Variants in ERC2 observed in about 807,000 individuals in gnomAD.
ERC2 encodes ELKS/RAB6-interacting/CAST family member 2, also known as ERC protein 2.
A neutral mutation model predicts 114.8 loss-of-function variants in ERC2; 42 were observed. The observed-to-expected ratio is 0.37, with a 90% CI of 0.29 to 0.47. The LOEUF is 0.47. Ranked by LOEUF, ERC2 falls within the 20% of genes least tolerant of loss-of-function variation. The probability of loss-of-function intolerance (pLI) is 0.99; values close to 1 mark genes in which losing one functional copy is unlikely to be tolerated. For missense variants in ERC2, 939 were observed against 1,150.7 expected, an observed-to-expected ratio of 0.82 and a Z score of 2.66; for synonymous variants, 454 against 425.5, an observed-to-expected ratio of 1.07 and a Z score of -0.82.
intron 14 of ERC2, among the ~76,000 whole-genome samples, chr3:55,854,085 G>A (rs1244548359): frequency 6.6e-6 from 1 of 152,128 alleles, no homozygotes; most frequent in African/African-American, 2.4e-5. Context: ...AACCAGTCTG[G>A]CCAATATGGT....
At chr3:55,856,524 A>G (rs1445277177) in intron 14 of ERC2, among the ~76,000 whole-genome samples, 1 of 152,114 alleles carries the variant, frequency 6.6e-6, no homozygotes, top group Admixed American at 6.6e-5. Context: ...ACATATATAT[A>G]CACACACATA....
At chr3:55,927,736 C>T (rs957328594) in intron 13 of ERC2, among the ~76,000 whole-genome samples, 2 of 152,150 alleles carry the variant, frequency 1.3e-5, no homozygotes, top group African/African-American at 4.8e-5. Flanking sequence ...ACCATCCCCA[C>T]TCCCCGACTC....
intron 14 of ERC2, among the ~76,000 whole-genome samples, chr3:55,735,563 T>C (rs183628183): frequency 1.3e-5 from 2 of 152,282 alleles, no homozygotes; most frequent in Non-Finnish European, 2.9e-5. Context: ...AGATAATTAG[T>C]CCATTTGTGA....
intron 2 of ERC2, among the ~76,000 whole-genome samples, chr3:56,370,552 TTG>T (rs2059321455): frequency 6.6e-6 from 1 of 151,952 alleles, no homozygotes; most frequent in African/African-American, 2.4e-5. Context: ...CCTGATTTGT[TTG>T]TTTGTTTGTT....
At chr3:56,012,648 T>C (rs1206491039) in intron 8 of ERC2, among the ~76,000 whole-genome samples, 1 of 152,186 alleles carries the variant, frequency 6.6e-6, no homozygotes, top group Non-Finnish European at 1.5e-5. Context: ...CGATTTGCTC[T>C]AAGCACTCGT....
At chr3:55,647,803 T>A (rs997619968) in intron 17 of ERC2, among the ~76,000 whole-genome samples, 43 of 152,338 alleles carry the variant, frequency 2.8e-4, no homozygotes, top group African/African-American at 1.0e-3. Context: ...CCAGAACAGC[T>A]GCCCTTCCCT....
At chr3:56,031,936 A>T (rs1434019925) in intron 7 of ERC2, among the ~76,000 whole-genome samples, 2 of 152,170 alleles carry the variant, frequency 1.3e-5, no homozygotes, top group Non-Finnish European at 2.9e-5. Context: ...GTGGAGCCTA[A>T]TGGGAGGTGT....
chr3:56,107,245 A>G (rs940667273), intron 6 of ERC2, among the ~76,000 whole-genome samples: 9 of 150,948 alleles, frequency 6.0e-5, no homozygotes, highest in African/African-American at 2.2e-4. Flanking sequence ...TTCCAATCAC[A>G]CAAATCATTA....
intron 7 of ERC2, among the ~76,000 whole-genome samples, chr3:56,064,650 T>C (rs1319468077): frequency 1.3e-5 from 2 of 152,152 alleles, no homozygotes; most frequent in East Asian, 1.9e-4. Flanking sequence ...AAACAGTAAA[T>C]ATAGTCTGGA....
At chr3:56,140,155 A>G (rs2080767675) in intron 5 of ERC2, among the ~76,000 whole-genome samples, 1 of 152,206 alleles carries the variant, frequency 6.6e-6, no homozygotes, top group Non-Finnish European at 1.5e-5. Flanking sequence ...GCTTACATTA[A>G]ATATTGAGAA....
intron 17 of ERC2, among the ~76,000 whole-genome samples, chr3:55,652,816 C>T (rs1461967806): frequency 1.7e-4 from 25 of 145,968 alleles, no homozygotes; most frequent in Middle Eastern, 3.6e-3. Context: ...GCCAAGATCA[C>T]GCCATTGCCC....
At chr3:56,108,851 T>C (rs1428061138) in intron 6 of ERC2, among the ~76,000 whole-genome samples, 1 of 151,978 alleles carries the variant, frequency 6.6e-6, no homozygotes, top group Non-Finnish European at 1.5e-5. Flanking sequence ...AGATTAATAA[T>C]CAGGCTGACA....
chr3:56,037,210 C>A (rs1215708350), intron 7 of ERC2, among the ~76,000 whole-genome samples: 2 of 152,308 alleles, frequency 1.3e-5, no homozygotes, highest in African/African-American at 4.8e-5. Flanking sequence ...GATGGATGAA[C>A]TGACAGAAGT....
chr3:55,928,464 A>T (rs2065879395), intron 13 of ERC2, among the ~76,000 whole-genome samples: 2 of 151,936 alleles, frequency 1.3e-5, no homozygotes, highest in African/African-American at 2.4e-5. Flanking sequence ...GAATTATTCA[A>T]TTTTTTTCTT....
At chr3:55,831,339 AAGGGG>A (rs1215446566) in intron 14 of ERC2, among the ~76,000 whole-genome samples, 3 of 102,574 alleles carry the variant, frequency 2.9e-5, no homozygotes, top group Admixed American at 1.1e-4. Flanking sequence ...GAGGGGAAGG[AAGGGG>A]AGGGGAGGGG....
intron 14 of ERC2, among the ~76,000 whole-genome samples, chr3:55,736,738 T>A (rs1400212505): frequency 6.6e-6 from 1 of 152,060 alleles, no homozygotes; most frequent in Non-Finnish European, 1.5e-5. Flanking sequence ...TCCTCTCATT[T>A]AAAAAAAATT....
intron 14 of ERC2, among the ~76,000 whole-genome samples, chr3:55,870,398 G>A (rs1444584718): frequency 2.6e-5 from 4 of 152,192 alleles, no homozygotes; most frequent in Admixed American, 6.5e-5. Context: ...AAGAGACAGA[G>A]TTCTCTGAAG....
intron 13 of ERC2, among the ~76,000 whole-genome samples, chr3:55,933,038 G>A (rs2066205089): frequency 6.6e-6 from 1 of 152,132 alleles, no homozygotes; most frequent in South Asian, 2.1e-4. Flanking sequence ...GTGAAACCTT[G>A]CCTCTACTAA....
chr3:55,981,593 G>T (rs998068638), intron 12 of ERC2, among the ~76,000 whole-genome samples: 5 of 152,178 alleles, frequency 3.3e-5, no homozygotes, highest in Non-Finnish European at 7.4e-5. Context: ...AGTCAAGGAA[G>T]AAGAGGAAGG....
Sources: allele counts gnomAD v4.1 joint callset (sites outside exome capture counted in the v4.1 genomes callset), GRCh38; gene constraint gnomAD v4.1.1; transcripts MANE v1.5; gene names NCBI Gene and HGNC (gene_info 2026-07-23, HGNC 2026-07-21).